RGS12: variants seen among roughly 807,000 people sequenced by gnomAD.
The protein encoded by RGS12 is regulator of G-protein signaling 12.
Under a neutral mutation model 120.1 loss-of-function variants are expected in RGS12, and 66 were observed. The observed-to-expected ratio is 0.55, with a 90% CI of 0.45 to 0.67. The LOEUF (loss-of-function observed/expected upper bound fraction) is 0.67. Ranked by LOEUF, RGS12 falls within the 30% of genes least tolerant of loss-of-function variation. RGS12 has a pLI of 0.00. For missense variants in RGS12, 1,859 were observed against 1,957.7 expected, an observed-to-expected ratio of 0.95 and a Z score of 0.95; for synonymous variants, 827 against 804.7, an observed-to-expected ratio of 1.03 and a Z score of -0.47.
chr4:3,337,926 C>T (rs1200340755), intron 2 of RGS12, among the ~76,000 whole-genome samples: 2 of 152,186 alleles, frequency 1.3e-5, no homozygotes, highest in Non-Finnish European at 2.9e-5. Context: ...GGTGTTGTCT[C>T]AGGTCAGCCA....
intron 2 of RGS12, among the ~76,000 whole-genome samples, chr4:3,326,907 A>G (rs1049248229): frequency 1.3e-5 from 2 of 152,244 alleles, no homozygotes; most frequent in Non-Finnish European, 2.9e-5. Context: ...TACATATTCA[A>G]TGTAATCCCT....
rs1297908780 is a variant in RGS12, at chr4:3,343,068, AT to A, written c.1998+20del. On this transcript the variant is annotated intron_variant, in intron 3 of 17. Coordinates refer to ENST00000336727, the MANE Select transcript of RGS12 (RefSeq NM_001394154.1). ...ATGATCTTGAGGTAATTTAATTTTC[AT>A]TTTTCTTCTTTTCTCCTTCAAGTTT... The A allele has an allele frequency of 6.4e-7, 1 of 1,571,150 alleles. No individual in the cohort carries two copies. The highest frequency in any genetic ancestry group is 1.4e-5 in the African/African-American group (1 of 73,898).
rs1450317372 is a variant in RGS12 at position 3,304,428 on chromosome 4, G to A, written c.-102+11329G>A. On this transcript the variant is annotated intron_variant, in intron 1 of 17. Transcript: ENST00000336727. ...CCAGGTAGTTTTTGTTAGTGGAAACGTGAGCTTTGAGGGAGGCCGCTTTCT... is the reference window on the plus strand; with the variant it reads ...CCAGGTAGTTTTTGTTAGTGGAAACATGAGCTTTGAGGGAGGCCGCTTTCT... Among the ~76,000 whole-genome samples the A allele has an allele frequency of 5.9e-5, 9 of 152,312 alleles. No individual in the cohort carries two copies. In the East Asian group the frequency reaches 1.7e-3, roughly 29 times the overall value.
intron 9 of RGS12, 154 bp from the exon 10 acceptor site, chr4:3,420,488 C>G: frequency 1.4e-6 from 1 of 736,894 alleles, no homozygotes; most frequent in Non-Finnish European, 2.4e-6. Context: ...TGACTCGTCT[C>G]CACCAGAGAC....
At chr4:3,290,738 C>T (rs550043270), upstream of RGS12, among the ~76,000 whole-genome samples, 15 of 152,386 alleles carry the variant, frequency 9.8e-5, no homozygotes, top group African/African-American at 2.9e-4. Flanking sequence ...AGAGGCCGCC[C>T]TGCCAGTCTG....
chr4:3,295,596 G>T (rs2110345572), intron 1 of RGS12, among the ~76,000 whole-genome samples: 1 of 150,494 alleles, frequency 6.6e-6, no homozygotes, highest in Middle Eastern at 3.4e-3. Flanking sequence ...GGAGGCGGAG[G>T]TTGCGGTGAG....
rs373758436 is a variant in RGS12, at chr4:3,428,163, G to A, written c.3405G>A (p.Ser1135=). ...TAVNSSSRNH[S]ATGEERTLGK... is the part of the protein sequence containing the mutation. Reference sequence around the variant, plus strand: ...TAAATTCCAGCTCCAGAAACCACTCGGCTACGGTAATTCCCCACCCTGGCC... The same window carrying A: ...TAAATTCCAGCTCCAGAAACCACTCAGCTACGGTAATTCCCCACCCTGGCC... Residue 1135 remains serine (S), a synonymous_variant, in exon 15 of 18, where the codon TCG becomes TCA. Transcript: ENST00000336727. The A allele has an allele frequency of 6.8e-5, 110 of 1,613,348 alleles. No homozygotes were observed. Among genetic ancestry groups the A allele is most frequent in the Non-Finnish European group, 8.2e-5 (97 of 1,179,702 alleles).
intron 1 of RGS12, among the ~76,000 whole-genome samples, chr4:3,301,573 G>C (rs921976928): frequency 6.6e-6 from 1 of 151,842 alleles, no homozygotes; most frequent in Non-Finnish European, 1.5e-5. Flanking sequence ...CAGGGATGGA[G>C]AGTGAGGCCG....
At chr4:3,388,969 C>T (rs932116577) in intron 4 of RGS12, among the ~76,000 whole-genome samples, 1 of 152,202 alleles carries the variant, frequency 6.6e-6, no homozygotes, top group Non-Finnish European at 1.5e-5. Context: ...CTGTCTCTGC[C>T]TGGTCATCCT....
At chr4:3,394,935 G>A (rs747005673) in intron 4 of RGS12, among the ~76,000 whole-genome samples, 5 of 152,056 alleles carry the variant, frequency 3.3e-5, no homozygotes, top group Non-Finnish European at 5.9e-5. Flanking sequence ...TTGGGAGGCC[G>A]AGACAGGTGG....
chr4:3,410,645 G>A (rs928101626), intron 4 of RGS12, among the ~76,000 whole-genome samples: 11 of 152,204 alleles, frequency 7.2e-5, no homozygotes, highest in African/African-American at 1.4e-4. Flanking sequence ...GTTGATCTGC[G>A]TTTGCTCCTC....
At chr4:3,337,678 GA>G (rs948063430) in intron 2 of RGS12, among the ~76,000 whole-genome samples, 7 of 152,174 alleles carry the variant, frequency 4.6e-5, no homozygotes, top group African/African-American at 1.4e-4. Flanking sequence ...GAAAGCGGGA[GA>G]GGGGGCCTGG....
intron 3 of RGS12, among the ~76,000 whole-genome samples, chr4:3,358,738 G>T (rs1347633228): frequency 1.3e-5 from 2 of 151,804 alleles, no homozygotes; most frequent in Non-Finnish European, 2.9e-5. Context: ...GCTAGTATTT[G>T]GTTGAGGATT....
intron 1 of RGS12, among the ~76,000 whole-genome samples, chr4:3,297,227 C>T (rs1723431454): frequency 6.6e-6 from 1 of 152,200 alleles, no homozygotes; most frequent in African/African-American, 2.4e-5. Flanking sequence ...ATATCTTTTC[C>T]TACATCTTTG....
intron 4 of RGS12, among the ~76,000 whole-genome samples, chr4:3,402,339 C>T (rs1720678352): frequency 6.6e-6 from 1 of 152,114 alleles, no homozygotes; most frequent in African/African-American, 2.4e-5. Flanking sequence ...TCTTGTGTTA[C>T]CTCTTTTTGG....
chr4:3,421,981 C>A (rs949730504), intron 10 of RGS12, among the ~76,000 whole-genome samples: 1 of 152,194 alleles, frequency 6.6e-6, no homozygotes. Flanking sequence ...TCCATTGGAA[C>A]GATGTGCATG....
chr4:3,397,362 G>A (rs552687314), intron 4 of RGS12, among the ~76,000 whole-genome samples: 7 of 152,352 alleles, frequency 4.6e-5, no homozygotes, highest in East Asian at 3.9e-4. Context: ...CAGGATGGCC[G>A]AGCAGAGCTG....
chr4:3,339,541 T>C (rs1456677651), intron 2 of RGS12, among the ~76,000 whole-genome samples: 1 of 152,210 alleles, frequency 6.6e-6, no homozygotes, highest in Non-Finnish European at 1.5e-5. Flanking sequence ...AGAGAGGCTC[T>C]CTGAAAGAAA....
intron 1 of RGS12, among the ~76,000 whole-genome samples, chr4:3,304,535 A>G (rs1723867606): frequency 6.6e-6 from 1 of 152,178 alleles, no homozygotes; most frequent in African/African-American, 2.4e-5. Flanking sequence ...CTGGCTTTGA[A>G]TCCTAACTGC....
Sources: gnomAD v4.1 joint callset for allele counts (sites outside exome capture counted in the v4.1 genomes callset) on GRCh38, gnomAD v4.1.1 for gene constraint, MANE v1.5 for transcripts, NCBI Gene and HGNC (gene_info 2026-07-23, HGNC 2026-07-21) for gene names.